SNTG1: variants seen among roughly 807,000 people sequenced by gnomAD.
The protein encoded by SNTG1 is gamma-1-syntrophin.
In SNTG1, 39 loss-of-function variants were observed where a neutral mutation model predicts 74.7. That is an observed-to-expected ratio of 0.52 (90% CI 0.40 to 0.68). SNTG1 has a LOEUF of 0.68. Ranked by LOEUF, SNTG1 falls within the 30% of genes least tolerant of loss-of-function variation. The pLI is 0.00. For missense variants in SNTG1, 685 were observed against 609.5 expected (o/e 1.12, Z -1.30); for synonymous variants, 254 against 217.1 (o/e 1.17, Z -1.49).
intron 2 of SNTG1, among the ~76,000 whole-genome samples, chr8:50,227,341 G>T (rs2085381315): frequency 6.6e-6 from 1 of 152,136 alleles, no homozygotes; most frequent in Non-Finnish European, 1.5e-5. Flanking sequence ...GATTCTGATG[G>T]TAAAATCCAA....
chr8:50,775,081 G>A (rs1334895799), intron 18 of SNTG1, among the ~76,000 whole-genome samples: 1 of 150,982 alleles, frequency 6.6e-6, no homozygotes, highest in Admixed American at 6.6e-5. Flanking sequence ...AAGGAACAAA[G>A]ATAAAAACTT....
chr8:50,715,254 T>G (rs1211658551), intron 17 of SNTG1, among the ~76,000 whole-genome samples: 2 of 152,180 alleles, frequency 1.3e-5, no homozygotes, highest in Admixed American at 6.5e-5. Flanking sequence ...TTGTGATTAT[T>G]AGAACATCAT....
intron 18 of SNTG1, among the ~76,000 whole-genome samples, chr8:50,770,004 C>T (rs1229807049): frequency 1.3e-5 from 2 of 151,942 alleles, no homozygotes; most frequent in East Asian, 3.9e-4. Context: ...AACCAATAAT[C>T]CAAATCACAA....
At chr8:50,533,256 T>G (rs2094283382) in intron 10 of SNTG1, among the ~76,000 whole-genome samples, 1 of 152,222 alleles carries the variant, frequency 6.6e-6, no homozygotes, top group Non-Finnish European at 1.5e-5. Context: ...GAAACATTCT[T>G]CTTAACTGTA....
chr8:50,613,245 G>A (rs544403023), intron 13 of SNTG1, among the ~76,000 whole-genome samples: 1 of 152,250 alleles, frequency 6.6e-6, no homozygotes, highest in African/African-American at 2.4e-5. Flanking sequence ...GTTGTGGTGA[G>A]ACTAGAAACG....
intron 1 of SNTG1, among the ~76,000 whole-genome samples, chr8:50,021,640 G>C (rs1391779141): frequency 6.6e-6 from 1 of 152,044 alleles, no homozygotes; most frequent in Non-Finnish European, 1.5e-5. Flanking sequence ...AGCATCTTCT[G>C]CTGGACACTG....
chr8:50,102,976 T>A (rs1036871701), intron 1 of SNTG1, among the ~76,000 whole-genome samples: 1 of 151,466 alleles, frequency 6.6e-6, no homozygotes, highest in Non-Finnish European at 1.5e-5. Flanking sequence ...TGTAGTATAG[T>A]TTGAAGTCAG....
chr8:50,044,270 C>A lies in SNTG1; in HGVS notation c.-102-128291C>A, dbSNP rs534531732. Among the ~76,000 whole-genome samples, 3 of 152,148 alleles carry A rather than the reference C, an allele frequency of 2.0e-5. No homozygotes were observed. In the South Asian group the frequency reaches 6.2e-4, roughly 32 times the overall value. On this transcript the variant is annotated intron_variant, in intron 1 of 18. Coordinates refer to ENST00000642720, the MANE Select transcript of SNTG1 (RefSeq NM_018967.5). ...CTAAGTTGCCATCACATTTTTTAAC[C>A]AAGAATTATCAGATAAGTAAGGGGA... is the stretch of plus-strand genomic sequence containing the variant.
At chr8:50,057,368 T>A (rs1234772664) in intron 1 of SNTG1, among the ~76,000 whole-genome samples, 1 of 152,158 alleles carries the variant, frequency 6.6e-6, no homozygotes, top group African/African-American at 2.4e-5. Flanking sequence ...AGCAATGCCT[T>A]GGCTGAGCCT....
intron 2 of SNTG1, among the ~76,000 whole-genome samples, chr8:50,324,942 T>C (rs1220265713): frequency 1.3e-4 from 2 of 15,216 alleles, no homozygotes; most frequent in African/African-American, 1.4e-4. Flanking sequence ...TTTATACATA[T>C]ATATATATAT....
intron 17 of SNTG1, among the ~76,000 whole-genome samples, chr8:50,733,978 A>G (rs968552742): frequency 1.3e-5 from 2 of 151,886 alleles, no homozygotes; most frequent in African/African-American, 4.8e-5. Flanking sequence ...ATATAATTCT[A>G]TGTAATTTTT....
At chr8:50,148,372 C>A (rs1033713703) in intron 1 of SNTG1, among the ~76,000 whole-genome samples, 3 of 152,154 alleles carry the variant, frequency 2.0e-5, no homozygotes, top group African/African-American at 7.2e-5. Context: ...GAATAAAGTA[C>A]ATAAAGTGAG....
At chr8:50,750,888 CCTGAGGT>C (rs1393294752) in intron 17 of SNTG1, among the ~76,000 whole-genome samples, 1 of 151,772 alleles carries the variant, frequency 6.6e-6, no homozygotes, top group Non-Finnish European at 1.5e-5. Flanking sequence ...CCACAAAAGC[CCTGAGGT>C]ATGCCTGTAT....
At chr8:50,347,444 C>T (rs575587859) in intron 2 of SNTG1, among the ~76,000 whole-genome samples, 1 of 152,278 alleles carries the variant, frequency 6.6e-6, no homozygotes, top group East Asian at 1.9e-4. Flanking sequence ...AACTTGATCA[C>T]CCAAAAGCTC....
At chr8:50,568,288 G>A (rs2094527772) in intron 12 of SNTG1, among the ~76,000 whole-genome samples, 1 of 150,148 alleles carries the variant, frequency 6.7e-6, no homozygotes, top group Admixed American at 6.7e-5. Context: ...CTACCATTGT[G>A]AATAGTGCTG....
At chr8:50,540,003 A>G (rs1416044819) in intron 11 of SNTG1, among the ~76,000 whole-genome samples, 1 of 152,140 alleles carries the variant, frequency 6.6e-6, no homozygotes, top group African/African-American at 2.4e-5. Context: ...TAGGACATGC[A>G]GGAGGAAAAC....
intron 1 of SNTG1, among the ~76,000 whole-genome samples, chr8:49,921,209 G>GA (rs1162200822): frequency 1.3e-5 from 2 of 151,720 alleles, no homozygotes; most frequent in Admixed American, 1.3e-4. Flanking sequence ...TCAAAAGTAA[G>GA]AAAAAAATAA....
rs2095185265 is a variant in SNTG1 at position 50,656,902 on chromosome 8, C to T, written c.850-7C>T. 6.3e-7 allele frequency: 1 copy of T among 1,591,576 alleles called. No individual in the cohort carries two copies. The highest frequency in any genetic ancestry group is 1.3e-5 in the African/African-American group (1 of 74,166). On this transcript the variant is annotated splice_polypyrimidine_tract_variant and splice_region_variant and intron_variant, in intron 13 of 18. Transcript: ENST00000642720. ...TTGACAGTTGATTGTATTCCATTTTCTTGCAGATTGTCTACATGGGCTGGT... is the reference window on the plus strand; with the variant it reads ...TTGACAGTTGATTGTATTCCATTTTTTTGCAGATTGTCTACATGGGCTGGT...
chr8:50,122,036 T>C (rs1477072785), intron 1 of SNTG1, among the ~76,000 whole-genome samples: 1 of 141,272 alleles, frequency 7.1e-6, no homozygotes, highest in South Asian at 2.7e-4. Context: ...TTGCCTGTGC[T>C]GGCCTCTCAC....
Sources: allele counts gnomAD v4.1 joint callset (sites outside exome capture counted in the v4.1 genomes callset), GRCh38; gene constraint gnomAD v4.1.1; transcripts MANE v1.5; gene names NCBI Gene and HGNC (gene_info 2026-07-23, HGNC 2026-07-21).